Variants in PTPRC observed in about 807,000 individuals in gnomAD.
PTPRC encodes protein tyrosine phosphatase receptor type C.
In PTPRC, 44 loss-of-function variants were observed where a neutral mutation model predicts 155.9. The ratio of observed to expected loss-of-function variants is 0.28; its 90% CI spans 0.22 to 0.36. PTPRC has a LOEUF of 0.36. Among genes scored for constraint, PTPRC ranks in the 10% least tolerant of loss-of-function variants. The probability of loss-of-function intolerance (pLI) is 1.00; values close to 1 mark genes in which losing one functional copy is unlikely to be tolerated. For synonymous variants in PTPRC, 525 were observed against 533.1 expected (o/e 0.98, Z 0.21); for missense variants, 1,401 against 1,564.6 (o/e 0.90, Z 1.76).
In PTPRC at chr1:198,754,404, C is replaced by G; in HGVS notation, c.3645C>G (p.Phe1215Leu). Residue 1215 changes from phenylalanine (F) to leucine (L), a missense_variant and splice_region_variant, in exon 32 of 33, where the codon TTC (phenylalanine) becomes TTG (leucine). Around this residue, in one of 3 missense-constraint regions of PTPRC, gnomAD observed 400 missense variants for 389.5 expected, o/e 1.03. Coordinates refer to ENST00000442510, the MANE Select transcript of PTPRC (RefSeq NM_002838.5). ...RKARPGMVST[F>L]EQYQFLYDVI... Reference sequence around the variant, plus strand: ...CTAGGCCAGGCATGGTTTCCACATTCGTAAGTATCCTTCACCATTGCTTTT... The same window carrying G: ...CTAGGCCAGGCATGGTTTCCACATTGGTAAGTATCCTTCACCATTGCTTTT... 3.1e-6 allele frequency: 5 copies of G among 1,613,310 alleles called. No homozygotes were observed. The highest frequency in any genetic ancestry group is 4.2e-6 in the Non-Finnish European group (5 of 1,179,642).
At chr1:198,753,721 A>ACTT (rs1357074471) in intron 31 of PTPRC, among the ~76,000 whole-genome samples, 1 of 152,084 alleles carries the variant, frequency 6.6e-6, no homozygotes, top group African/African-American at 2.4e-5. Context: ...AATGCTTTAT[A>ACTT]CTTCTCATTG....
intron 23 of PTPRC, among the ~76,000 whole-genome samples, chr1:198,736,659 A>AT (rs1263846146): frequency 5.9e-5 from 9 of 151,674 alleles, no homozygotes; most frequent in Non-Finnish European, 1.0e-4. Context: ...GGGAGTGCAG[A>AT]TTATCTCTTC....
At chr1:198,729,466 C>A (rs2102476790) in intron 17 of PTPRC, among the ~76,000 whole-genome samples, 1 of 152,274 alleles carries the variant, frequency 6.6e-6, no homozygotes, top group African/African-American at 2.4e-5. Context: ...TGGTCTTGAA[C>A]TGCTGGTCTC....
intron 11 of PTPRC, among the ~76,000 whole-genome samples, chr1:198,710,294 T>G (rs1285996107): frequency 2.6e-5 from 4 of 152,228 alleles, no homozygotes; most frequent in Non-Finnish European, 5.9e-5. Context: ...AGTTTTATTT[T>G]ATTGATTTAT....
intron 2 of PTPRC, among the ~76,000 whole-genome samples, chr1:198,649,061 G>T (rs555871057): frequency 2.0e-5 from 3 of 151,704 alleles, no homozygotes; most frequent in African/African-American, 7.3e-5. Context: ...AGCATATTAA[G>T]TGAACCAGGT....
chr1:198,696,945 G>GA, intron 4 of PTPRC, 36 bp downstream of exon 4: 1 of 1,544,042 alleles, frequency 6.5e-7, no homozygotes, highest in Non-Finnish European at 9.0e-7. Context: ...AAATATCAGG[G>GA]AATGTCATTT....
chr1:198,659,985 TTATATC>T (rs1200438291), intron 2 of PTPRC, among the ~76,000 whole-genome samples: 6 of 146,308 alleles, frequency 4.1e-5, no homozygotes, highest in African/African-American at 1.5e-4. Context: ...TATAAATAGA[TTATATC>T]TATATAAATA....
rs376357337 is a variant in PTPRC at position 198,744,135 on chromosome 1, C to G, written c.2779C>G (p.Pro927Ala). 63 of 1,604,898 alleles carry G rather than the reference C, an allele frequency of 3.9e-5. No individual in the cohort carries two copies. The highest frequency in any genetic ancestry group is 5.2e-5 in the Non-Finnish European group (61 of 1,172,746). The change falls in exon 26 of 33, where the codon CCA (proline) becomes GCA (alanine). Residue 927 changes from proline to alanine, a missense_variant. Coordinates refer to ENST00000442510, the MANE Select transcript of PTPRC (RefSeq NM_002838.5). ...ETEVNLSELH[P>A]YLHNMKKRDP... ...AGAAGTGAATTTGTCTGAATTACAT[C>G]CATATCTACATAACATGAAGAAAAG...
At chr1:198,719,611 G>C (rs1381569071) in intron 14 of PTPRC, among the ~76,000 whole-genome samples, 1 of 151,576 alleles carries the variant, frequency 6.6e-6, no homozygotes, top group East Asian at 1.9e-4. Context: ...TGTTTGTTTT[G>C]TTGTTGTTTT....
At chr1:198,730,568 A>G (rs958007758) in intron 17 of PTPRC, among the ~76,000 whole-genome samples, 1 of 152,150 alleles carries the variant, frequency 6.6e-6, no homozygotes, top group African/African-American at 2.4e-5. Flanking sequence ...GAGTACAATC[A>G]GTAATAAACA....
intron 3 of PTPRC, among the ~76,000 whole-genome samples, chr1:198,693,373 T>C (rs1666030617): frequency 2.0e-5 from 3 of 152,224 alleles, no homozygotes; most frequent in Admixed American, 1.3e-4. Context: ...TAGATTGTGA[T>C]TGGTTTATGC....
chr1:198,750,475 T>C lies in PTPRC; in HGVS notation c.3073-17T>C. The C allele has an allele frequency of 8.1e-6, 13 of 1,608,290 alleles. No homozygotes were observed. The highest frequency in any genetic ancestry group is 1.1e-5 in the Non-Finnish European group (13 of 1,175,384). ...CTTCTGTAGTAACGAAGTCCCACCC[T>C]TTTTTTGTCTAAAAAGAGCTACTGG... On this transcript the variant is annotated splice_polypyrimidine_tract_variant and intron_variant, in intron 28 of 32. Transcript: ENST00000442510.
At chr1:198,698,833 T>G (rs1331641642) in intron 4 of PTPRC, among the ~76,000 whole-genome samples, 1 of 152,130 alleles carries the variant, frequency 6.6e-6, no homozygotes, top group Non-Finnish European at 1.5e-5. Flanking sequence ...TTATATGTAC[T>G]TAAAAGACAC....
chr1:198,718,383 C>A, intron 14 of PTPRC, 81 bp downstream of exon 14: 1 of 1,130,316 alleles, frequency 8.8e-7, no homozygotes, highest in East Asian at 2.6e-5. Flanking sequence ...ACTTTAAGAC[C>A]ACTGCTCACA....
chr1:198,690,753 T>C (rs1665881258), intron 2 of PTPRC, among the ~76,000 whole-genome samples: 1 of 152,050 alleles, frequency 6.6e-6, no homozygotes, highest in Non-Finnish European at 1.5e-5. Context: ...TCCCATCTGA[T>C]CTCTGATTCT....
At chr1:198,658,941 ACC>A (rs1663768886) in intron 2 of PTPRC, among the ~76,000 whole-genome samples, 1 of 152,182 alleles carries the variant, frequency 6.6e-6, no homozygotes. Context: ...ATACGGTACT[ACC>A]CTACAGACAT....
At chr1:198,707,014 T>A in intron 9 of PTPRC, 62 bp downstream of exon 9, 1 of 1,374,044 alleles carries the variant, frequency 7.3e-7, no homozygotes, top group Non-Finnish European at 1.0e-6. Flanking sequence ...GTGTGTGGTG[T>A]TCTCCAGTGG....
chr1:198,643,689 G>A (rs1273093878), intron 2 of PTPRC, among the ~76,000 whole-genome samples: 1 of 151,824 alleles, frequency 6.6e-6, no homozygotes, highest in African/African-American at 2.4e-5. Context: ...GGACATTCTA[G>A]GTAATGTAAT....
chr1:198,680,119 G>A (rs1423813703), intron 2 of PTPRC: 2 of 414,092 alleles, frequency 4.8e-6, no homozygotes, highest in Non-Finnish European at 8.6e-6. Flanking sequence ...GGCAGCCTCT[G>A]AAAACTAGCC....
Sources: gnomAD v4.1 joint callset for allele counts (sites outside exome capture counted in the v4.1 genomes callset) on GRCh38, gnomAD v4.1.1 for gene constraint, gnomAD v4.1.1 regional missense constraint, MANE v1.5 for transcripts, NCBI Gene and HGNC (gene_info 2026-07-23, HGNC 2026-07-21) for gene names.